Variants in LGSN observed in about 807,000 individuals in gnomAD.
LGSN encodes lengsin, lens protein with glutamine synthetase domain.
A neutral mutation model predicts 19.5 loss-of-function variants in LGSN; 21 were observed. The ratio of observed to expected loss-of-function variants is 1.07; its 90% CI spans 0.76 to 1.55. LGSN has a LOEUF of 1.55. Among genes scored for constraint, LGSN ranks in the 40% most tolerant of loss-of-function variants. The probability of loss-of-function intolerance (pLI) is 0.00; values close to 1 mark genes in which losing one functional copy is unlikely to be tolerated. For synonymous variants in LGSN, 257 were observed against 215.6 expected (o/e 1.19, Z -1.68); for missense variants, 673 against 608.5 (o/e 1.11, Z -1.12).
At chr6:63,282,530 T>C (rs1767361483) in intron 3 of LGSN, among the ~76,000 whole-genome samples, 1 of 152,194 alleles carries the variant, frequency 6.6e-6, no homozygotes, top group African/African-American at 2.4e-5. Flanking sequence ...GCCAGACTAT[T>C]TCTTATGCTA....
chr6:63,499,589 G>T, the LGSN span, among the ~76,000 whole-genome samples: 2 of 151,984 alleles, frequency 1.3e-5, no homozygotes, highest in African/African-American at 4.8e-5. Context: ...GTTCTTTCCT[G>T]CTTCAGGTGC....
At chr6:63,291,148 G>T (rs1021380310) in intron 2 of LGSN, among the ~76,000 whole-genome samples, 1 of 152,154 alleles carries the variant, frequency 6.6e-6, no homozygotes, top group African/African-American at 2.4e-5. Context: ...TATGGGAGGG[G>T]GAACATGCAG....
Position 63,280,216 on chromosome 6 carries a change from T to G in LGSN, c.1335A>C (p.Thr445=). The G allele has an allele frequency of 6.2e-7, 1 of 1,614,226 alleles. No individual in the cohort carries two copies. Among genetic ancestry groups the G allele is most frequent in the African/African-American group, 1.3e-5 (1 of 75,074 alleles). The change falls in exon 4 of 4, where the codon ACA becomes ACC. Residue 445 remains threonine (T), a synonymous_variant. Transcript: ENST00000370657. ...CAGAAGGTTCCACTTGGTAAAAGTC[T>G]GTGCTCTCATCTGGACCAGCCAAGA... The part of the protein sequence containing the change: ...NEVLAGPDES[T]DFYQVEPSEI...
chr6:63,301,844 G>A (rs769698603), intron 1 of LGSN, among the ~76,000 whole-genome samples: 3 of 152,024 alleles, frequency 2.0e-5, no homozygotes, highest in Admixed American at 6.6e-5. Context: ...CTTCATCAAC[G>A]AATAAGGATT....
the LGSN span, among the ~76,000 whole-genome samples, chr6:63,473,711 G>A: frequency 6.7e-6 from 1 of 148,720 alleles, no homozygotes; most frequent in Admixed American, 6.8e-5. Context: ...CTCTCTTCCT[G>A]ACTGGGGTCC....
the LGSN span, among the ~76,000 whole-genome samples, chr6:63,471,134 GT>G: frequency 1.4e-4 from 20 of 146,840 alleles, no homozygotes; most frequent in African/African-American, 4.0e-4. Context: ...TTTTTTGGTT[GT>G]TTTTTTTTGT....
chr6:63,453,848 G>A, the LGSN span, among the ~76,000 whole-genome samples: 3 of 151,912 alleles, frequency 2.0e-5, no homozygotes, highest in Non-Finnish European at 4.4e-5. Context: ...AGTAGAGACA[G>A]GGTTTCACTG....
the LGSN span, among the ~76,000 whole-genome samples, chr6:63,492,235 C>A: frequency 6.6e-6 from 1 of 152,160 alleles, no homozygotes; most frequent in South Asian, 2.1e-4. Flanking sequence ...ACACACCTAT[C>A]TATGCACTGA....
chr6:63,485,275 G>C, the LGSN span, among the ~76,000 whole-genome samples: 7 of 152,244 alleles, frequency 4.6e-5, no homozygotes, highest in African/African-American at 1.7e-4. Flanking sequence ...TTACAAGTGA[G>C]AACATGTGGC....
the LGSN span, among the ~76,000 whole-genome samples, chr6:63,406,543 T>C: frequency 6.7e-6 from 1 of 148,474 alleles, no homozygotes; most frequent in Non-Finnish European, 1.5e-5. Flanking sequence ...TAGAAGGAAA[T>C]TTATAGCACT....
chr6:63,323,697 G>GATTT (rs150622417), upstream of LGSN, among the ~76,000 whole-genome samples: 4,489 of 146,534 alleles, frequency 0.031, 289 homozygotes, highest in African/African-American at 0.11. Flanking sequence ...ATAGAAAATT[G>GATTT]ATTTCTTATT....
At chr6:63,547,145 T>G in the LGSN span, among the ~76,000 whole-genome samples, 1,332 of 152,068 alleles carry the variant, frequency 8.8e-3, 23 homozygotes, top group African/African-American at 0.03. Context: ...CTCAAGAGAA[T>G]GCCTTTCAGG....
the LGSN span, among the ~76,000 whole-genome samples, chr6:63,467,156 A>T: frequency 1.3e-5 from 2 of 152,096 alleles, no homozygotes; most frequent in African/African-American, 4.8e-5. Context: ...AAAAGATAAG[A>T]ATTTGTACGT....
chr6:63,400,930 G>T, the LGSN span, among the ~76,000 whole-genome samples: 2 of 152,046 alleles, frequency 1.3e-5, no homozygotes, highest in Non-Finnish European at 2.9e-5. Context: ...GGAGGTGGAG[G>T]TTGCAGCGAG....
the LGSN span, among the ~76,000 whole-genome samples, chr6:63,428,916 G>A: frequency 6.6e-6 from 1 of 152,170 alleles, no homozygotes; most frequent in African/African-American, 2.4e-5. Flanking sequence ...GGGCATGGTG[G>A]TGCACACCTA....
the LGSN span, among the ~76,000 whole-genome samples, chr6:63,569,255 C>T: frequency 6.6e-6 from 1 of 152,106 alleles, no homozygotes; most frequent in Non-Finnish European, 1.5e-5. Flanking sequence ...AAAAATATCG[C>T]TTATAATATT....
At chr6:63,444,880 C>A in the LGSN span, among the ~76,000 whole-genome samples, 1 of 152,178 alleles carries the variant, frequency 6.6e-6, no homozygotes, top group Non-Finnish European at 1.5e-5. Context: ...AGTCCAATTC[C>A]CTCTGTAGCC....
chr6:63,412,529 G>GAAA, the LGSN span, among the ~76,000 whole-genome samples: 2 of 32,374 alleles, frequency 6.2e-5, no homozygotes, highest in African/African-American at 1.3e-4. Flanking sequence ...AAAGAAAGAA[G>GAAA]GAAAGAAAGA....
the LGSN span, among the ~76,000 whole-genome samples, chr6:63,461,732 G>A: frequency 9.3e-3 from 1,409 of 152,214 alleles, 9 homozygotes; most frequent in Non-Finnish European, 0.014. Flanking sequence ...CATACCCCAC[G>A]GCCCTGAATT....
Sources: allele counts gnomAD v4.1 joint callset (sites outside exome capture counted in the v4.1 genomes callset), GRCh38; gene constraint gnomAD v4.1.1; transcripts MANE v1.5; gene names NCBI Gene and HGNC (gene_info 2026-07-23, HGNC 2026-07-21).